Variants in THSD7B observed in about 807,000 individuals in gnomAD.
THSD7B encodes the protein thrombospondin type-1 domain-containing protein 7B.
THSD7B carries 138 observed loss-of-function variants against 213.6 expected under a neutral mutation model. The ratio of observed to expected loss-of-function variants is 0.65; its 90% CI spans 0.56 to 0.74. The LOEUF (loss-of-function observed/expected upper bound fraction) is 0.74. THSD7B is among the 30% of genes least tolerant of loss of function. THSD7B has a pLI of 0.00. For missense variants in THSD7B, 1,931 were observed against 1,991.5 expected, an observed-to-expected ratio of 0.97 and a Z score of 0.58; for synonymous variants, 742 against 687.0, an observed-to-expected ratio of 1.08 and a Z score of -1.25.
intron 15 of THSD7B, among the ~76,000 whole-genome samples, chr2:137,515,281 TC>T (rs1357422969): frequency 6.6e-6 from 1 of 152,078 alleles, no homozygotes; most frequent in Non-Finnish European, 1.5e-5. Context: ...AGTGGCAACA[TC>T]CCCTCCCGGT....
chr2:137,559,665 A>G lies in THSD7B; in HGVS notation c.3139-3556A>G, dbSNP rs921439827. ...GGACATAGGCATGGGCAAAGACTTC[A>G]TGTCTAAAATACCAAAAGCAATGGC... On this transcript the variant is annotated intron_variant, in intron 15 of 27. Coordinates refer to ENST00000409968, the MANE Select transcript of THSD7B (RefSeq NM_001316349.2). Among the ~76,000 whole-genome samples, 18 of 152,208 alleles carry G rather than the reference A, an allele frequency of 1.2e-4. 1 individual carries two copies. Among genetic ancestry groups the G allele is most frequent in the Non-Finnish European group, 2.2e-4 (15 of 68,032 alleles).
At chr2:137,548,413 A>G (rs1308355929) in intron 15 of THSD7B, among the ~76,000 whole-genome samples, 2 of 151,962 alleles carry the variant, frequency 1.3e-5, no homozygotes, top group Non-Finnish European at 2.9e-5. Context: ...TTCCATAGCT[A>G]TCACCTCATG....
intron 5 of THSD7B, among the ~76,000 whole-genome samples, chr2:137,116,143 G>C (rs1176587707): frequency 6.6e-6 from 1 of 152,172 alleles, no homozygotes; most frequent in Non-Finnish European, 1.5e-5. Flanking sequence ...TGTCATGCTA[G>C]ATGTCTTTGT....
chr2:137,647,857 G>A (rs1683065961), intron 21 of THSD7B, among the ~76,000 whole-genome samples: 1 of 152,076 alleles, frequency 6.6e-6, no homozygotes, highest in African/African-American at 2.4e-5. Context: ...TCATGTTAGC[G>A]TCCCCTCCTT....
intron 1 of THSD7B, among the ~76,000 whole-genome samples, chr2:136,830,537 G>A (rs572630135): frequency 6.6e-6 from 1 of 152,022 alleles, no homozygotes; most frequent in Admixed American, 6.6e-5. Flanking sequence ...TAACCTTAAA[G>A]TATTTGGAAA....
At chr2:137,462,310 T>G (rs1224198654) in intron 15 of THSD7B, among the ~76,000 whole-genome samples, 1 of 152,070 alleles carries the variant, frequency 6.6e-6, no homozygotes, top group Non-Finnish European at 1.5e-5. Flanking sequence ...CTTCTTCAAG[T>G]TATAAAAGCT....
intron 17 of THSD7B, among the ~76,000 whole-genome samples, chr2:137,587,949 G>A (rs544511602): frequency 6.6e-6 from 1 of 152,346 alleles, no homozygotes; most frequent in South Asian, 2.1e-4. Context: ...GTCTACAAAG[G>A]CAGCAGGCCT....
At chr2:137,259,826 T>C (rs539140784) in intron 10 of THSD7B, among the ~76,000 whole-genome samples, 1 of 152,316 alleles carries the variant, frequency 6.6e-6, no homozygotes, top group East Asian at 1.9e-4. Context: ...TCTAGAATGG[T>C]ATCCTCTCCT....
chr2:137,549,411 A>G (rs9287475), intron 15 of THSD7B, among the ~76,000 whole-genome samples: 52,726 of 147,370 alleles, frequency 0.36, 9,754 homozygotes, highest in South Asian at 0.56. Flanking sequence ...TCACTCACTC[A>G]ATCTATCTAC....
At chr2:137,385,979 TA>T (rs1685886225) in intron 12 of THSD7B, among the ~76,000 whole-genome samples, 1 of 152,244 alleles carries the variant, frequency 6.6e-6, no homozygotes, top group African/African-American at 2.4e-5. Flanking sequence ...CAGCCTGATG[TA>T]GTGTCATTAA....
intron 12 of THSD7B, among the ~76,000 whole-genome samples, chr2:137,342,726 T>A (rs1684788852): frequency 6.6e-6 from 1 of 151,606 alleles, no homozygotes; most frequent in South Asian, 2.1e-4. Context: ...TTGTTTTGTT[T>A]TGTTTTGTTT....
chr2:136,896,719 T>C (rs911488843), intron 2 of THSD7B, among the ~76,000 whole-genome samples: 1 of 152,120 alleles, frequency 6.6e-6, no homozygotes, highest in Non-Finnish European at 1.5e-5. Context: ...ATTAATTTCT[T>C]TGGTATGAAT....
At chr2:137,079,402 A>G (rs1393413036) in intron 3 of THSD7B, among the ~76,000 whole-genome samples, 1 of 152,114 alleles carries the variant, frequency 6.6e-6, no homozygotes, top group Non-Finnish European at 1.5e-5. Context: ...TTGCTGTTAT[A>G]TGGTGCATAG....
chr2:137,404,466 TATATATATACACACAC>T (rs1227251463), intron 12 of THSD7B, among the ~76,000 whole-genome samples: 12 of 74,002 alleles, frequency 1.6e-4, no homozygotes, highest in African/African-American at 4.7e-4. Context: ...TATATATATA[TATATATATACACACAC>T]ACACACACAC....
At chr2:137,156,730 C>T (rs2104980469) in intron 5 of THSD7B, among the ~76,000 whole-genome samples, 1 of 152,280 alleles carries the variant, frequency 6.6e-6, no homozygotes, top group Admixed American at 6.5e-5. Context: ...TTTACAGCTG[C>T]ACTGCCAACC....
chr2:136,784,762 T>C (rs765499158), intron 1 of THSD7B, among the ~76,000 whole-genome samples: 2 of 152,192 alleles, frequency 1.3e-5, no homozygotes, highest in Non-Finnish European at 2.9e-5. Flanking sequence ...AGTAGCACTG[T>C]GAAGTGCAAT....
chr2:137,348,703 C>CTTT (rs80150345), intron 12 of THSD7B, among the ~76,000 whole-genome samples: 7,364 of 110,638 alleles, frequency 0.067, 321 homozygotes, highest in Non-Finnish European at 0.1. Context: ...CTATGAACTC[C>CTTT]TTTTTTTTTT....
chr2:137,538,670 T>G (rs943726615), intron 15 of THSD7B, among the ~76,000 whole-genome samples: 7 of 151,738 alleles, frequency 4.6e-5, no homozygotes, highest in Admixed American at 4.6e-4. Context: ...ACGTTGCTGT[T>G]GAATGAATTC....
chr2:136,823,587 T>G (rs778186), intron 1 of THSD7B, among the ~76,000 whole-genome samples: 45,481 of 151,910 alleles, frequency 0.3, 7,187 homozygotes, highest in Non-Finnish European at 0.35. Flanking sequence ...TCTTTATATT[T>G]AAAACTTTTA....
Sources: allele counts gnomAD v4.1 joint callset (sites outside exome capture counted in the v4.1 genomes callset), GRCh38; gene constraint gnomAD v4.1.1; transcripts MANE v1.5; gene names NCBI Gene and HGNC (gene_info 2026-07-23, HGNC 2026-07-21).